Variants in CD5 observed in about 807,000 individuals in gnomAD.
CD5 encodes the protein T-cell surface glycoprotein CD5.
CD5 carries 36 observed loss-of-function variants against 60.3 expected under a neutral mutation model. The observed-to-expected ratio is 0.60, with a 90% CI of 0.46 to 0.79. The LOEUF is 0.79. Ranked by LOEUF, CD5 falls within the 30% of genes least tolerant of loss-of-function variation. The pLI is 0.00. For missense variants in CD5, 540 were observed against 630.6 expected, an observed-to-expected ratio of 0.86 and a Z score of 1.54; for synonymous variants, 230 against 257.6, an observed-to-expected ratio of 0.89 and a Z score of 1.03.
At chr11:61,122,352 ATCG>A (rs1861076131) in intron 6 of CD5, among the ~76,000 whole-genome samples, 1 of 129,620 alleles carries the variant, frequency 7.7e-6, no homozygotes, top group African/African-American at 3.3e-5. Flanking sequence ...GGATGGATGG[ATCG>A]GTGGGTGGGT....
At position 61,125,074 on chromosome 11, in the gene CD5, C is replaced by G. The variant is rs1861126543; in HGVS notation, c.1322C>G (p.Ala441Gly). Residue 441 changes from alanine (A) to glycine (G), a missense_variant, in exon 9 of 11, where the codon GCT becomes GGT. Ala to Gly is a moderately conservative substitution (Grantham distance 60, BLOSUM62 0). Coordinates refer to ENST00000347785, the MANE Select transcript of CD5 (RefSeq NM_014207.4). ...RNHTATVRSHAENPTASHVDN... is the reference protein window; with the variant it reads ...RNHTATVRSHGENPTASHVDN... ...CACACGGCAACCGTCCGATCCCATG[C>G]TGAGAACCCCACAGCCTCCCACGTG... The G allele has an allele frequency of 2.5e-6, 4 of 1,614,036 alleles. No individual in the cohort carries two copies. The Admixed American group carries it at 6.7e-5, about 27-fold the overall frequency.
intron 9 of CD5, 73 bp from the exon 10 acceptor site, chr11:61,125,678 G>A: frequency 9.9e-7 from 1 of 1,008,078 alleles, no homozygotes; most frequent in Non-Finnish European, 1.5e-6. Flanking sequence ...CCCACTGTGG[G>A]CAGCGGCTCT....
chr11:61,099,984 ACAT>A (rs1860639757), upstream of CD5, among the ~76,000 whole-genome samples: 2 of 151,666 alleles, frequency 1.3e-5, no homozygotes, highest in African/African-American at 2.4e-5. Context: ...ACATTCACAC[ACAT>A]CAACATGGAG....
chr11:61,115,306 C>T (rs990461840), intron 2 of CD5, among the ~76,000 whole-genome samples: 2 of 152,104 alleles, frequency 1.3e-5, no homozygotes, highest in Non-Finnish European at 2.9e-5. Context: ...CCTCGACAGC[C>T]GTAAATCACC....
chr11:61,122,920 C>T lies in CD5; in HGVS notation c.1113C>T (p.Asn371=). ...CTCCTTCCCCAGGCCAGGATCCAAA[C>T]CCCGCAGGCCTGGCCGCAGGCACGG... ...KKVFVTCQDP[N]PAGLAAGTVA... Residue 371 remains asparagine (N), a synonymous_variant, in exon 7 of 11, where the codon AAC becomes AAT. Transcript: ENST00000347785. 1 of 1,613,120 alleles carries T rather than the reference C, an allele frequency of 6.2e-7. No homozygotes were observed. Among genetic ancestry groups the T allele is most frequent in the Middle Eastern group, 1.7e-4 (1 of 5,946 alleles).
At chr11:61,098,412 C>T (rs985177627), upstream of CD5, among the ~76,000 whole-genome samples, 2 of 152,152 alleles carry the variant, frequency 1.3e-5, no homozygotes, top group Admixed American at 6.5e-5. Flanking sequence ...GACCACCCCT[C>T]ATACTGTCTT....
chr11:61,114,035 C>G (rs929224767), intron 1 of CD5, among the ~76,000 whole-genome samples: 2 of 151,938 alleles, frequency 1.3e-5, no homozygotes, highest in East Asian at 3.8e-4. Flanking sequence ...TGGAAACATG[C>G]GGGACATTTT....
At chr11:61,096,702 A>G in the CD5 span, among the ~76,000 whole-genome samples, 1 of 152,206 alleles carries the variant, frequency 6.6e-6, no homozygotes, top group Non-Finnish European at 1.5e-5. Context: ...CATGGCCCTT[A>G]CGGTCCCCCG....
Position 61,115,037 on chromosome 11 carries a change from T to G in CD5, c.56-19T>G, listed in dbSNP as rs1376576650. On this transcript the variant is annotated intron_variant, in intron 1 of 10. Coordinates refer to ENST00000347785, the MANE Select transcript of CD5 (RefSeq NM_014207.4). ...AGTGGGAGGTTTCACTTCCTGACCCTCCTCTCTTCTTTCTGCAGTCGCTTC... is the reference window on the plus strand; with the variant it reads ...AGTGGGAGGTTTCACTTCCTGACCCGCCTCTCTTCTTTCTGCAGTCGCTTC... 1 of 1,553,546 alleles carries G rather than the reference T, an allele frequency of 6.4e-7. No individual in the cohort carries two copies. Among genetic ancestry groups the G allele is most frequent in the Non-Finnish European group, 8.7e-7 (1 of 1,147,578 alleles).
chr11:61,100,098 A>ACACACACATCAACATGGAGATCACATT (rs1860642791), upstream of CD5, among the ~76,000 whole-genome samples: 1 of 144,200 alleles, frequency 6.9e-6, no homozygotes, highest in Non-Finnish European at 1.5e-5. Flanking sequence ...CATGGAGATC[A>ACACACACATCAACATGGAGATCACATT]CACACACATC....
At position 61,118,410 on chromosome 11, in the gene CD5, A is replaced by G. The variant is rs1226057297; in HGVS notation, c.330A>G (p.Gln110=). ...TPQSSIICYG[Q]LGSFSNCSHS... is the part of the protein sequence containing the mutation. ...AGAGCTCAATCATCTGCTACGGACA[A>G]CTGGGCTCCTTCTCCAACTGCAGCC... Residue 110 remains glutamine (Q), a synonymous_variant, in exon 3 of 11, where the codon CAA becomes CAG. Transcript: ENST00000347785. This position sits in a 1 kb window ranked among gnomAD's most constrained non-coding sequence, Gnocchi z 4.7. 1 of 1,614,118 alleles carries G rather than the reference A, an allele frequency of 6.2e-7. No individual in the cohort carries two copies.
chr11:61,104,913 C>T (rs951784629), intron 1 of CD5, among the ~76,000 whole-genome samples: 1 of 152,212 alleles, frequency 6.6e-6, no homozygotes, highest in African/African-American at 2.4e-5. Flanking sequence ...AAGGGAAGGC[C>T]ACCAAAGGCA....
chr11:61,107,144 G>A (rs1433358724), intron 1 of CD5, among the ~76,000 whole-genome samples: 1 of 152,158 alleles, frequency 6.6e-6, no homozygotes, highest in East Asian at 1.9e-4. Context: ...TGGGGTGTGA[G>A]GTACCTGGGG....
chr11:61,107,527 C>G (rs982442894), intron 1 of CD5, among the ~76,000 whole-genome samples: 1 of 152,200 alleles, frequency 6.6e-6, no homozygotes, highest in Non-Finnish European at 1.5e-5. Flanking sequence ...GGGGCAGCAC[C>G]CTGCGTTCAA....
intron 1 of CD5, 70 bp downstream of exon 1, chr11:61,102,685 T>A: frequency 7.5e-7 from 1 of 1,340,192 alleles, no homozygotes; most frequent in Non-Finnish European, 1.0e-6. Context: ...GTTCCCAGTT[T>A]TACCCAAGGC....
the CD5 span, among the ~76,000 whole-genome samples, chr11:61,096,474 A>G: frequency 6.6e-6 from 1 of 152,230 alleles, no homozygotes; most frequent in Non-Finnish European, 1.5e-5. Context: ...CAAGAAAACC[A>G]TTGATATAAT....
At position 61,102,497 on chromosome 11, in the gene CD5, C is replaced by T. The variant is rs533548656; in HGVS notation, c.-64C>T. ...TCTCCCTCTCTGAGAGCGAGATACC[C>T]GGCCAGACACCCTCACCTGCGGTGC... On this transcript the variant is annotated 5_prime_UTR_variant, in exon 1 of 11. Coordinates refer to ENST00000347785, the MANE Select transcript of CD5 (RefSeq NM_014207.4). 5.5e-5 allele frequency: 72 copies of T among 1,309,460 alleles called. No individual in the cohort carries two copies. Among genetic ancestry groups the T allele is most frequent in the South Asian group, 4.8e-4 (38 of 78,490 alleles). The allele number at this position is 1,309,460 out of a possible 1,614,324, so 81.1% of individuals were successfully genotyped here.
At chr11:61,115,868 C>G (rs1409271743) in intron 2 of CD5, among the ~76,000 whole-genome samples, 3 of 152,216 alleles carry the variant, frequency 2.0e-5, no homozygotes, top group African/African-American at 7.2e-5. Context: ...CATCCTAGCT[C>G]CAAGCTTTGG....
chr11:61,103,170 G>C (rs981591698), intron 1 of CD5, among the ~76,000 whole-genome samples: 1 of 152,218 alleles, frequency 6.6e-6, no homozygotes, highest in Non-Finnish European at 1.5e-5. Flanking sequence ...CCAGTCCTGG[G>C]TCAGTCCCAG....
Sources: gnomAD v4.1 joint callset for allele counts (sites outside exome capture counted in the v4.1 genomes callset) on GRCh38, gnomAD v4.1.1 for gene constraint, Gnocchi (gnomAD v3.1) non-coding constraint, MANE v1.5 for transcripts, NCBI Gene and HGNC (gene_info 2026-07-23, HGNC 2026-07-21) for gene names.